Variants in NINL observed in about 807,000 individuals in gnomAD.
NINL encodes ninein-like protein.
In NINL, 153 loss-of-function variants were observed where a neutral mutation model predicts 160.3. The ratio of observed to expected loss-of-function variants is 0.95; its 90% CI spans 0.84 to 1.09. NINL has a LOEUF of 1.09. NINL is among the 50% of genes least tolerant of loss of function. The probability of loss-of-function intolerance (pLI) is 0.00; values close to 1 mark genes in which losing one functional copy is unlikely to be tolerated. For missense variants in NINL, 1,829 were observed against 1,764.0 expected, an observed-to-expected ratio of 1.04 and a Z score of -0.66; for synonymous variants, 800 against 734.8, an observed-to-expected ratio of 1.09 and a Z score of -1.43.
chr20:25,458,775 G>A (rs867422475), intron 21 of NINL: 36 of 501,036 alleles, frequency 7.2e-5, no homozygotes, highest in African/African-American at 6.5e-4. Context: ...TCAAAATGGT[G>A]ACGCTGACCT....
At chr20:25,561,415 C>T (rs1470582803) in intron 1 of NINL, among the ~76,000 whole-genome samples, 23 of 152,334 alleles carry the variant, frequency 1.5e-4, no homozygotes, top group African/African-American at 4.6e-4. Context: ...TGCCTTGGCC[C>T]CCCAAAGTGC....
intron 20 of NINL, 42 bp downstream of exon 20, chr20:25,462,341 T>C (rs761402705): frequency 8.2e-7 from 1 of 1,223,144 alleles, no homozygotes; most frequent in Admixed American, 2.2e-5. Context: ...CACCCTGAGC[T>C]CCCAGCCTCC....
At chr20:25,562,851 GA>G (rs2064960090) in intron 1 of NINL, among the ~76,000 whole-genome samples, 1 of 152,112 alleles carries the variant, frequency 6.6e-6, no homozygotes, top group Non-Finnish European at 1.5e-5. Context: ...GGAGTTTCAG[GA>G]ATAAAGGAAG....
chr20:25,516,327 A>G (rs1365293076), intron 3 of NINL, among the ~76,000 whole-genome samples: 4 of 152,242 alleles, frequency 2.6e-5, no homozygotes, highest in Admixed American at 2.0e-4. Context: ...GATAAGGAAT[A>G]GGACCATTTA....
At chr20:25,546,813 AG>A (rs1748713277) in intron 1 of NINL, among the ~76,000 whole-genome samples, 1 of 151,264 alleles carries the variant, frequency 6.6e-6, no homozygotes, top group African/African-American at 2.4e-5. Context: ...GCCTCAGGTC[AG>A]CTGGGCTGCT....
At chr20:25,558,654 T>C (rs1405652632) in intron 1 of NINL, among the ~76,000 whole-genome samples, 1 of 152,262 alleles carries the variant, frequency 6.6e-6, no homozygotes, top group Non-Finnish European at 1.5e-5. Flanking sequence ...ATACATTCCA[T>C]TGTCCTCAAC....
intron 10 of NINL, among the ~76,000 whole-genome samples, chr20:25,495,324 C>T (rs1025849582): frequency 5.3e-5 from 8 of 152,242 alleles, no homozygotes; most frequent in Admixed American, 2.0e-4. Context: ...GACTCCGCAG[C>T]ACCCCAAGCA....
At chr20:25,584,693 T>G (rs113455160) in intron 1 of NINL, among the ~76,000 whole-genome samples, 1 of 152,110 alleles carries the variant, frequency 6.6e-6, no homozygotes, top group Admixed American at 6.6e-5. Flanking sequence ...GGGCTTGGCC[T>G]AAGTCTCACA....
chr20:25,497,077 A>G (rs777457758), intron 9 of NINL, among the ~76,000 whole-genome samples: 2 of 152,236 alleles, frequency 1.3e-5, no homozygotes, highest in Non-Finnish European at 2.9e-5. Flanking sequence ...GGAGTCCCAC[A>G]GCATGCCATA....
chr20:25,453,918 G>A (rs986436829), intron 23 of NINL, among the ~76,000 whole-genome samples: 5 of 152,094 alleles, frequency 3.3e-5, no homozygotes, highest in Admixed American at 1.3e-4. Flanking sequence ...TGGGCGTGGT[G>A]GCGGGCGCCT....
rs181948341 is a variant in NINL at position 25,533,280 on chromosome 20, A to G, written c.-11-6682T>C. Among the ~76,000 whole-genome samples, 526 of 152,314 alleles carry G rather than the reference A, an allele frequency of 3.5e-3. 2 individuals carry two copies. Among genetic ancestry groups the G allele is most frequent in the Non-Finnish European group, 5.7e-3 (387 of 68,024 alleles). On this transcript the variant is annotated intron_variant, in intron 1 of 23. Coordinates refer to ENST00000278886, the MANE Select transcript of NINL (RefSeq NM_025176.6). ...GGAGAGGAGAATAATGAAGGGGCTG[A>G]GCCCAAAACACACACACGCGCACAC... is the stretch of plus-strand genomic sequence containing the variant.
chr20:25,585,257 C>T (rs1226565523), intron 1 of NINL, among the ~76,000 whole-genome samples, 198 bp downstream of exon 1: 1 of 152,198 alleles, frequency 6.6e-6, no homozygotes, highest in African/African-American at 2.4e-5. Flanking sequence ...ACCCCCGCCC[C>T]GCCCTCGAGG....
At chr20:25,456,411 G>C (rs1200804503) in intron 22 of NINL, among the ~76,000 whole-genome samples, 4 of 151,568 alleles carry the variant, frequency 2.6e-5, no homozygotes, top group Non-Finnish European at 4.4e-5. Context: ...AGCCGGGCAT[G>C]GTAGCGGGCG....
intron 23 of NINL, among the ~76,000 whole-genome samples, chr20:25,455,082 C>T (rs2090633870): frequency 6.6e-6 from 1 of 152,126 alleles, no homozygotes; most frequent in African/African-American, 2.4e-5. Flanking sequence ...TGGAATGCAC[C>T]CTCCTCGGAG....
At chr20:25,487,915 C>T (rs1307846616) in intron 13 of NINL, among the ~76,000 whole-genome samples, 1 of 152,254 alleles carries the variant, frequency 6.6e-6, no homozygotes, top group East Asian at 1.9e-4. Flanking sequence ...CAGAACCACT[C>T]TTGCAGATCT....
chr20:25,509,851 C>T (rs2064035573), intron 5 of NINL: 1 of 384,598 alleles, frequency 2.6e-6, no homozygotes, highest in Non-Finnish European at 5.1e-6. Context: ...TATAGGCAAA[C>T]ACAAGATAAT....
rs375993029 is a variant in NINL at position 25,581,978 on chromosome 20, C to G, written c.-12+3477G>C. Among the ~76,000 whole-genome samples the G allele has an allele frequency of 3.0e-4, 46 of 152,330 alleles. No homozygotes were observed. In the South Asian group the frequency reaches 7.0e-3, roughly 23 times the overall value. On this transcript the variant is annotated intron_variant, in intron 1 of 23. Transcript: ENST00000278886. ...TCAATTAAATTTTGCTCAAGTCCGG[C>G]CAGGCGTGGTGGCTCACGCCTGTAA...
chr20:25,561,911 C>T (rs1387436105), intron 1 of NINL, among the ~76,000 whole-genome samples: 1 of 149,508 alleles, frequency 6.7e-6, no homozygotes, highest in East Asian at 2.0e-4. Context: ...TGGGGGTCAG[C>T]CCCCGCCAGG....
chr20:25,501,132 A>G (rs1026002848), intron 7 of NINL, 122 bp from the exon 8 acceptor site: 3 of 1,289,852 alleles, frequency 2.3e-6, no homozygotes, highest in Admixed American at 5.3e-5. Context: ...AGCTCATGAG[A>G]CCATCCTCAG....
Sources: allele counts gnomAD v4.1 joint callset (sites outside exome capture counted in the v4.1 genomes callset), GRCh38; gene constraint gnomAD v4.1.1; transcripts MANE v1.5; gene names NCBI Gene and HGNC (gene_info 2026-07-23, HGNC 2026-07-21).